The following MSI2 variants were observed in gnomAD, a reference collection of about 807,000 sequenced individuals.
MSI2 encodes musashi RNA binding protein 2, also known as RNA-binding protein Musashi homolog 2.
MSI2 carries 17 observed loss-of-function variants against 45.6 expected under a neutral mutation model. That is an observed-to-expected ratio of 0.37 (90% CI 0.26 to 0.56). MSI2 has a LOEUF of 0.56. Ranked by LOEUF, MSI2 falls within the 20% of genes least tolerant of loss-of-function variation. MSI2 has a pLI of 0.77. For missense variants in MSI2, 293 were observed against 444.2 expected (o/e 0.66, Z 3.06); for synonymous variants, 156 against 158.2 (o/e 0.99, Z 0.11).
chr17:57,256,904 C>T (rs1160264829), intron 1 of MSI2, 100 bp downstream of exon 1: 1 of 694,582 alleles, frequency 1.4e-6, no homozygotes, highest in Non-Finnish European at 2.1e-6. Flanking sequence ...CGCGCCCCCC[C>T]GCCTCTCCCG....
intron 5 of MSI2, chr17:57,262,506 GA>G: frequency 3.5e-6 from 1 of 284,560 alleles, no homozygotes; most frequent in African/African-American, 2.2e-5. Context: ...ATCATATCAG[GA>G]AAAGTCGAAC....
At chr17:57,483,118 A>G (rs1055660415) in intron 6 of MSI2, among the ~76,000 whole-genome samples, 4 of 152,242 alleles carry the variant, frequency 2.6e-5, no homozygotes, top group Non-Finnish European at 5.9e-5. Context: ...ACTAATGATA[A>G]TAAGTATTAG....
intron 11 of MSI2, among the ~76,000 whole-genome samples, chr17:57,670,287 C>G (rs1403433809): frequency 1.3e-5 from 2 of 152,210 alleles, no homozygotes; most frequent in African/African-American, 4.8e-5. Flanking sequence ...CACCACTTCC[C>G]TACCCTCCAT....
At chr17:57,446,766 A>G (rs1291475513) in intron 6 of MSI2, among the ~76,000 whole-genome samples, 5 of 152,226 alleles carry the variant, frequency 3.3e-5, no homozygotes, top group Admixed American at 1.3e-4. Context: ...GGAGTTTGAT[A>G]GAATGGATGA....
At chr17:57,481,624 G>C (rs1235188924) in intron 6 of MSI2, among the ~76,000 whole-genome samples, 2 of 152,132 alleles carry the variant, frequency 1.3e-5, no homozygotes, top group Admixed American at 1.3e-4. Context: ...GCCTTGATTG[G>C]CTCCAAATAT....
chr17:57,354,771 G>A lies in MSI2; in HGVS notation c.313-46608G>A, dbSNP rs563281745. The stretch of plus-strand genomic sequence containing the variant: ...GCCTGGGAGCTTGTATTAATACAAA[G>A]GAGCATGCGATGGGATGTTGTTGGA... On this transcript the variant is annotated intron_variant, in intron 5 of 13. Transcript: ENST00000284073. Among the ~76,000 whole-genome samples the A allele has an allele frequency of 3.9e-5, 6 of 152,284 alleles. No homozygotes were observed. The South Asian group carries it at 6.2e-4, about 16-fold the overall frequency.
chr17:57,363,120 T>C (rs1209479284), intron 5 of MSI2, among the ~76,000 whole-genome samples: 1 of 152,236 alleles, frequency 6.6e-6, no homozygotes, highest in Non-Finnish European at 1.5e-5. Flanking sequence ...CAAATGTCCA[T>C]TGATACACGA....
Position 57,596,746 on chromosome 17 carries a change from G to A in MSI2, c.455-122G>A, listed in dbSNP as rs773827155. ...AACCTCAAGGTCCTCCCAAGGATCCGCCTACCTACCCCCAGACCAGGAGGC... is the reference window on the plus strand; with the variant it reads ...AACCTCAAGGTCCTCCCAAGGATCCACCTACCTACCCCCAGACCAGGAGGC... On this transcript the variant is annotated intron_variant, in intron 7 of 13. Transcript: ENST00000284073. The surrounding 1 kb of genome is among the most constrained non-coding windows in gnomAD (Gnocchi z 4.6). 1.0e-5 allele frequency: 7 copies of A among 680,378 alleles called. No individual in the cohort carries two copies. The highest frequency in any genetic ancestry group is 5.2e-5 in the East Asian group (2 of 38,350). 42.1% of individuals were successfully genotyped at this position (680,378 alleles called of 1,614,324 possible).
intron 10 of MSI2, among the ~76,000 whole-genome samples, chr17:57,638,747 A>T (rs868367683): frequency 8.1e-6 from 1 of 123,288 alleles, no homozygotes; most frequent in African/African-American, 2.9e-5. Context: ...AAAAATATTT[A>T]AAAAATTAGC....
At chr17:57,358,438 A>C (rs1386861298) in intron 5 of MSI2, among the ~76,000 whole-genome samples, 1 of 152,182 alleles carries the variant, frequency 6.6e-6, no homozygotes, top group Non-Finnish European at 1.5e-5. Context: ...TTTCTGATTC[A>C]TGCAAAGGCA....
At chr17:57,401,291 T>C (rs2083985276) in intron 5 of MSI2, 88 bp from the exon 6 acceptor site, 2 of 1,079,516 alleles carry the variant, frequency 1.9e-6, no homozygotes, top group African/African-American at 3.1e-5. Context: ...CCTAGAGAAA[T>C]GTGGAGAGCA....
chr17:57,345,333 T>C (rs1478576957), intron 5 of MSI2, among the ~76,000 whole-genome samples: 2 of 152,220 alleles, frequency 1.3e-5, no homozygotes, highest in South Asian at 2.1e-4. Context: ...AAAAGTTTAC[T>C]GAGAGAAGCC....
chr17:57,489,537 C>T (rs1299580922), intron 6 of MSI2, among the ~76,000 whole-genome samples: 1 of 152,234 alleles, frequency 6.6e-6, no homozygotes, highest in Non-Finnish European at 1.5e-5. Context: ...CGGCCAGTCC[C>T]TCAGTGGACA....
chr17:57,497,849 T>C (rs77662611), intron 6 of MSI2, among the ~76,000 whole-genome samples: 1,898 of 152,302 alleles, frequency 0.012, 34 homozygotes, highest in African/African-American at 0.044. Context: ...GGTGTTCCCA[T>C]AGATGCCTAG....
At chr17:57,397,079 C>T (rs2083904345) in intron 5 of MSI2, among the ~76,000 whole-genome samples, 1 of 152,146 alleles carries the variant, frequency 6.6e-6, no homozygotes, top group African/African-American at 2.4e-5. Flanking sequence ...CATCTCAGTT[C>T]ACTGTGGAGC....
chr17:57,535,646 A>G (rs1419853396), intron 7 of MSI2, among the ~76,000 whole-genome samples: 1 of 152,222 alleles, frequency 6.6e-6, no homozygotes, highest in Non-Finnish European at 1.5e-5. Flanking sequence ...TGTGAGCCCC[A>G]GCGAGCACCA....
intron 5 of MSI2, chr17:57,274,269 T>G (rs1328768384): frequency 6.6e-6 from 1 of 152,212 alleles, no homozygotes; most frequent in Non-Finnish European, 1.5e-5. Flanking sequence ...TCTCTCCAGG[T>G]GTTCTAGCTG....
At chr17:57,659,935 T>C (rs1911873362) in intron 11 of MSI2, among the ~76,000 whole-genome samples, 1 of 152,168 alleles carries the variant, frequency 6.6e-6, no homozygotes, top group Non-Finnish European at 1.5e-5. Context: ...ACAATAGTAA[T>C]TATTGTTATA....
chr17:57,369,108 TGATG>T (rs377017771), intron 5 of MSI2, among the ~76,000 whole-genome samples: 206 of 152,346 alleles, frequency 1.4e-3, no homozygotes, highest in African/African-American at 4.7e-3. Context: ...TTTGCTCTAC[TGATG>T]GTTGGTAGCA....
Sources: gnomAD v4.1 joint callset for allele counts (sites outside exome capture counted in the v4.1 genomes callset) on GRCh38, gnomAD v4.1.1 for gene constraint, Gnocchi (gnomAD v3.1) non-coding constraint, MANE v1.5 for transcripts, NCBI Gene and HGNC (gene_info 2026-07-23, HGNC 2026-07-21) for gene names.